The following NRG3 variants were observed in gnomAD, a reference collection of about 807,000 sequenced individuals.
NRG3 encodes the protein neuregulin 3.
Under a neutral mutation model 66.9 loss-of-function variants are expected in NRG3, and 31 were observed. That is an observed-to-expected ratio of 0.46 (90% confidence interval 0.35 to 0.63). NRG3 has a LOEUF of 0.63. Among genes scored for constraint, NRG3 ranks in the 20% least tolerant of loss-of-function variants. The pLI, the probability that NRG3 is intolerant of heterozygous loss-of-function variation, is 0.00. For missense variants in NRG3, 910 were observed against 878.9 expected, an observed-to-expected ratio of 1.04 and a Z score of -0.45; for synonymous variants, 393 against 359.4, an observed-to-expected ratio of 1.09 and a Z score of -1.06.
At chr10:81,898,873 G>C (rs1843763756) in intron 1 of NRG3, among the ~76,000 whole-genome samples, 1 of 152,158 alleles carries the variant, frequency 6.6e-6, no homozygotes, top group Non-Finnish European at 1.5e-5. Context: ...TATAACTGTG[G>C]TTATACAGGA....
intron 2 of NRG3, among the ~76,000 whole-genome samples, chr10:82,425,544 G>T (rs1026195802): frequency 1.3e-5 from 2 of 151,910 alleles, no homozygotes; most frequent in African/African-American, 4.8e-5. Context: ...TCCAAAATGT[G>T]TATTATATCT....
intron 1 of NRG3, among the ~76,000 whole-genome samples, chr10:82,205,166 C>A (rs1419016971): frequency 2.0e-5 from 3 of 152,104 alleles, no homozygotes; most frequent in Non-Finnish European, 4.4e-5. Flanking sequence ...CCAATTCAAC[C>A]CCATCATCAG....
intron 2 of NRG3, among the ~76,000 whole-genome samples, chr10:82,561,181 G>C (rs950231762): frequency 6.6e-6 from 1 of 152,132 alleles, no homozygotes; most frequent in Non-Finnish European, 1.5e-5. Context: ...TTAGGAAAAG[G>C]AAGTATGTTG....
intron 1 of NRG3, among the ~76,000 whole-genome samples, chr10:82,093,014 A>G (rs916409126): frequency 3.3e-5 from 5 of 152,204 alleles, no homozygotes; most frequent in African/African-American, 9.6e-5. Context: ...AAACTGTGGC[A>G]GGGTCACCTG....
intron 1 of NRG3, among the ~76,000 whole-genome samples, chr10:81,982,391 T>TAA (rs1278935095): frequency 6.6e-6 from 1 of 152,220 alleles, no homozygotes; most frequent in Non-Finnish European, 1.5e-5. Flanking sequence ...AAGCTTCCTC[T>TAA]AATCTGTGCC....
rs749253299 is a variant in NRG3 at position 82,973,747 on chromosome 10, T to A, written c.1285-41T>A. 9.3e-6 allele frequency: 15 copies of A among 1,612,126 alleles called. No individual in the cohort carries two copies. The East Asian group carries it at 3.1e-4, about 34-fold the overall frequency. On this transcript the variant is annotated intron_variant, in intron 6 of 8. Transcript: ENST00000372141. ...CTCTGGTGTTATAGGCCCTCCATAA[T>A]GTATCCTTCGTCTCAACTCTGTACG...
At chr10:82,499,620 G>A (rs540881859) in intron 2 of NRG3, among the ~76,000 whole-genome samples, 1 of 152,068 alleles carries the variant, frequency 6.6e-6, no homozygotes, top group Admixed American at 6.5e-5. Context: ...CAAAAAATAG[G>A]ACAATAGAAA....
chr10:82,829,843 C>T (rs2062427014), intron 3 of NRG3, among the ~76,000 whole-genome samples: 1 of 152,058 alleles, frequency 6.6e-6, no homozygotes, highest in African/African-American at 2.4e-5. Flanking sequence ...CTAATCAAAC[C>T]TATATTTTGG....
At chr10:81,886,155 C>G (rs1842596957) in intron 1 of NRG3, among the ~76,000 whole-genome samples, 1 of 152,026 alleles carries the variant, frequency 6.6e-6, no homozygotes, top group Non-Finnish European at 1.5e-5. Flanking sequence ...GCACATGTAT[C>G]CCAGAACTTA....
chr10:82,916,599 A>G (rs1845849868), intron 4 of NRG3, among the ~76,000 whole-genome samples: 1 of 152,012 alleles, frequency 6.6e-6, no homozygotes, highest in African/African-American at 2.4e-5. Context: ...TATTAAGTAC[A>G]ATTGTACAGT....
intron 1 of NRG3, among the ~76,000 whole-genome samples, chr10:82,096,961 A>G (rs988074993): frequency 6.6e-6 from 1 of 152,330 alleles, no homozygotes; most frequent in South Asian, 2.1e-4. Flanking sequence ...TAAAATTTAC[A>G]TACAGTAAAA....
intron 3 of NRG3, among the ~76,000 whole-genome samples, chr10:82,864,975 A>C (rs1408083788): frequency 2.6e-5 from 4 of 152,236 alleles, no homozygotes; most frequent in African/African-American, 9.6e-5. Context: ...TGGCATGCAG[A>C]AATTCCTTGC....
chr10:82,843,437 A>G (rs1400530576), intron 3 of NRG3, among the ~76,000 whole-genome samples: 1 of 152,160 alleles, frequency 6.6e-6, no homozygotes, highest in Non-Finnish European at 1.5e-5. Flanking sequence ...CAGAAATGAG[A>G]GCCAATATAT....
At chr10:82,717,942 G>A (rs971206916) in intron 2 of NRG3, among the ~76,000 whole-genome samples, 5 of 151,324 alleles carry the variant, frequency 3.3e-5, no homozygotes, top group African/African-American at 1.2e-4. Flanking sequence ...CCCAAACTCA[G>A]TGTCCCAAGA....
chr10:82,198,409 T>C (rs2074564181), intron 1 of NRG3, among the ~76,000 whole-genome samples: 1 of 152,310 alleles, frequency 6.6e-6, no homozygotes, highest in African/African-American at 2.4e-5. Context: ...GCTGTCTTAT[T>C]TGTAGGAAAG....
chr10:82,650,575 A>G (rs549611389), intron 2 of NRG3, among the ~76,000 whole-genome samples: 9 of 152,338 alleles, frequency 5.9e-5, no homozygotes, highest in African/African-American at 2.2e-4. Context: ...TACCACAGAC[A>G]CTAGAACTAA....
intron 6 of NRG3, among the ~76,000 whole-genome samples, chr10:82,968,236 C>A (rs1015375049): frequency 6.6e-6 from 1 of 152,132 alleles, no homozygotes; most frequent in Admixed American, 6.6e-5. Flanking sequence ...GGAAGTTGGT[C>A]AAATTATTAG....
chr10:82,179,778 T>G (rs1392395443), intron 1 of NRG3, among the ~76,000 whole-genome samples: 3 of 151,914 alleles, frequency 2.0e-5, no homozygotes, highest in Non-Finnish European at 4.4e-5. Context: ...AAAGATTGCC[T>G]TGGGGTTTTG....
rs145057360 is a variant in NRG3 at position 82,005,007 on chromosome 10, C to T, written c.823+128844C>T. ...TGTCATGCTTGTTATTTGATTTGGC[C>T]TTTGATTGTTACAACAGCCTGAGGT... On this transcript the variant is annotated intron_variant, in intron 1 of 8. Transcript: ENST00000372141. 2.2e-4 allele frequency among the ~76,000 whole-genome samples: 33 copies of T among 152,298 alleles called. No individual in the cohort carries two copies. The East Asian group carries it at 3.3e-3, about 15-fold the overall frequency.
Sources: allele counts gnomAD v4.1 joint callset (sites outside exome capture counted in the v4.1 genomes callset), GRCh38; gene constraint gnomAD v4.1.1; transcripts MANE v1.5; gene names NCBI Gene and HGNC (gene_info 2026-07-23, HGNC 2026-07-21).